DTWD2: variants seen among roughly 807,000 people sequenced by gnomAD.
DTWD2 encodes DTW motif tRNA-uridine aminocarboxypropyltransferase 2.
DTWD2 carries 39 observed loss-of-function variants against 31.8 expected under a neutral mutation model. The ratio of observed to expected loss-of-function variants is 1.22; its 90% confidence interval spans 0.95 to 1.60. The LOEUF is 1.60. Among genes scored for constraint, DTWD2 ranks in the 40% most tolerant of loss-of-function variants. The probability of loss-of-function intolerance (pLI) is 0.00; values close to 1 mark genes in which losing one functional copy is unlikely to be tolerated. For synonymous variants in DTWD2, 180 were observed against 142.8 expected, an observed-to-expected ratio of 1.26 and a Z score of -1.86; for missense variants, 515 against 381.5, an observed-to-expected ratio of 1.35 and a Z score of -2.92.
chr5:118,913,968 C>CAATAAA (rs140773075), intron 4 of DTWD2, among the ~76,000 whole-genome samples: 33,247 of 151,608 alleles, frequency 0.22, 8,702 homozygotes, highest in African/African-American at 0.64. Flanking sequence ...ACCAAGCATA[C>CAATAAA]AATAAATATA....
intron 1 of DTWD2, among the ~76,000 whole-genome samples, chr5:118,982,670 C>T (rs1255785804): frequency 6.7e-6 from 1 of 149,058 alleles, no homozygotes; most frequent in Admixed American, 6.7e-5. Flanking sequence ...TTAAATTTAC[C>T]AAAATAGTTT....
chr5:118,923,451 G>C (rs1169026455), intron 4 of DTWD2, among the ~76,000 whole-genome samples: 1 of 152,158 alleles, frequency 6.6e-6, no homozygotes, highest in African/African-American at 2.4e-5. Flanking sequence ...CCGGAAAAAG[G>C]GAAGAAAGCC....
At chr5:118,923,753 C>T (rs894988346) in intron 4 of DTWD2, among the ~76,000 whole-genome samples, 1 of 152,156 alleles carries the variant, frequency 6.6e-6, no homozygotes, top group African/African-American at 2.4e-5. Context: ...CAAAGTCTTT[C>T]TCTGAGGAGG....
chr5:118,897,547 C>T (rs1283667875), intron 4 of DTWD2, among the ~76,000 whole-genome samples: 1 of 152,182 alleles, frequency 6.6e-6, no homozygotes, highest in African/African-American at 2.4e-5. Flanking sequence ...ATTCTCAGAT[C>T]CCAGACAAAG....
intron 1 of DTWD2, among the ~76,000 whole-genome samples, chr5:118,954,644 C>T (rs1252233528): frequency 1.3e-5 from 2 of 152,140 alleles, no homozygotes; most frequent in Non-Finnish European, 2.9e-5. Context: ...TCGTGAGTAG[C>T]TGAGGTTACA....
At chr5:118,867,274 C>CA (rs750933774) in intron 4 of DTWD2, among the ~76,000 whole-genome samples, 2 of 151,576 alleles carry the variant, frequency 1.3e-5, no homozygotes, top group Non-Finnish European at 2.9e-5. Context: ...TAATTTACCT[C>CA]AAAATAACTG....
chr5:118,961,977 C>CA (rs1374560192), intron 1 of DTWD2, among the ~76,000 whole-genome samples: 4 of 152,208 alleles, frequency 2.6e-5, no homozygotes, highest in Non-Finnish European at 5.9e-5. Context: ...CGCAGTGGCT[C>CA]ATGCCGGTAA....
At chr5:118,917,962 A>G (rs1346511851) in intron 4 of DTWD2, among the ~76,000 whole-genome samples, 1 of 150,170 alleles carries the variant, frequency 6.7e-6, no homozygotes, top group East Asian at 2.0e-4. Flanking sequence ...AAGACTCTCA[A>G]AAAAAAAAAA....
At chr5:118,842,531 T>C (rs558664698) in intron 5 of DTWD2, among the ~76,000 whole-genome samples, 16 of 152,278 alleles carry the variant, frequency 1.1e-4, no homozygotes, top group African/African-American at 3.4e-4. Flanking sequence ...TTTTTCAAGC[T>C]GCATTCCCAG....
chr5:118,921,856 G>A (rs542099328), intron 4 of DTWD2, among the ~76,000 whole-genome samples: 4 of 152,276 alleles, frequency 2.6e-5, no homozygotes, highest in East Asian at 1.9e-4. Context: ...GAATAACGAC[G>A]TGTTTGGCAA....
intron 4 of DTWD2, among the ~76,000 whole-genome samples, chr5:118,849,935 G>C (rs1333048352): frequency 6.6e-6 from 1 of 151,724 alleles, no homozygotes; most frequent in African/African-American, 2.4e-5. Context: ...TAGATGATGG[G>C]TTGAGCAAAC....
intron 4 of DTWD2, among the ~76,000 whole-genome samples, chr5:118,883,523 G>C (rs1212780260): frequency 6.6e-6 from 1 of 152,178 alleles, no homozygotes; most frequent in African/African-American, 2.4e-5. Flanking sequence ...CTGAGACTGA[G>C]TGATTTCTAA....
intron 4 of DTWD2, among the ~76,000 whole-genome samples, chr5:118,914,760 T>C (rs757227236): frequency 6.6e-6 from 1 of 151,850 alleles, no homozygotes; most frequent in African/African-American, 2.4e-5. Flanking sequence ...CAAGTAAGGG[T>C]GGTTTCTTCC....
At chr5:118,887,358 G>C (rs1249354042) in intron 4 of DTWD2, among the ~76,000 whole-genome samples, 1 of 152,134 alleles carries the variant, frequency 6.6e-6, no homozygotes. Context: ...TTGGCACTAA[G>C]TTTGGACATG....
intron 4 of DTWD2, among the ~76,000 whole-genome samples, chr5:118,882,943 C>G (rs189015656): frequency 1.6e-4 from 25 of 152,362 alleles, no homozygotes; most frequent in African/African-American, 6.0e-4. Context: ...AGCTTGAATT[C>G]CTCCCCAGAA....
intron 1 of DTWD2, chr5:118,974,238 G>A (rs1380743516): frequency 2.3e-5 from 22 of 954,666 alleles, no homozygotes; most frequent in Middle Eastern, 3.2e-4. Context: ...AGGCCCGCCC[G>A]CCCACCGTGG....
chr5:118,902,737 G>A (rs1434222795), intron 4 of DTWD2, among the ~76,000 whole-genome samples: 1 of 151,872 alleles, frequency 6.6e-6, no homozygotes, highest in African/African-American at 2.4e-5. Flanking sequence ...ATAACTACTG[G>A]AACTCATATA....
intron 4 of DTWD2, among the ~76,000 whole-genome samples, chr5:118,916,903 G>A (rs538703557): frequency 7.9e-5 from 12 of 151,876 alleles, no homozygotes; most frequent in Non-Finnish European, 1.6e-4. Flanking sequence ...AGATCCAGAG[G>A]AATACCTGCT....
chr5:118,899,799 CTTTTT>C (rs1163738328), intron 4 of DTWD2, among the ~76,000 whole-genome samples: 2 of 124,904 alleles, frequency 1.6e-5, no homozygotes, highest in Non-Finnish European at 1.7e-5. Flanking sequence ...TTCGTTTTTT[CTTTTT>C]TTTTTTTTTT....
Sources: allele counts gnomAD v4.1 joint callset (sites outside exome capture counted in the v4.1 genomes callset), GRCh38; gene constraint gnomAD v4.1.1; transcripts MANE v1.5; gene names NCBI Gene and HGNC (gene_info 2026-07-23, HGNC 2026-07-21).